COL9A1: variants seen among roughly 807,000 people sequenced by gnomAD.
COL9A1 encodes the protein collagen alpha-1(IX) chain.
COL9A1 carries 104 observed loss-of-function variants against 142.6 expected under a neutral mutation model. The ratio of observed to expected loss-of-function variants is 0.73; its 90% confidence interval spans 0.62 to 0.86. COL9A1 has a LOEUF of 0.86. Ranked by LOEUF, COL9A1 falls within the 40% of genes least tolerant of loss-of-function variation. COL9A1 has a pLI of 0.00. For synonymous variants in COL9A1, 466 were observed against 396.0 expected, an observed-to-expected ratio of 1.18 and a Z score of -2.10; for missense variants, 1,210 against 1,176.6, an observed-to-expected ratio of 1.03 and a Z score of -0.42.
chr6:70,294,737 C>T (rs1773790626), intron 4 of COL9A1, among the ~76,000 whole-genome samples, 174 bp from the exon 5 acceptor site: 1 of 152,126 alleles, frequency 6.6e-6, no homozygotes, highest in Non-Finnish European at 1.5e-5. Context: ...TACAGAAGTT[C>T]AATCATTCCT....
Position 70,294,385 on chromosome 6 carries a change from G to C in COL9A1, c.478C>G (p.Leu160Val). The C allele has an allele frequency of 6.2e-7, 1 of 1,614,058 alleles. No individual in the cohort carries two copies. Among genetic ancestry groups the C allele is most frequent in the Non-Finnish European group, 8.5e-7 (1 of 1,179,962 alleles). ...TQSVVFSYKGLDGSLQTAAFS... is the reference protein window; with the variant it reads ...TQSVVFSYKGVDGSLQTAAFS... The stretch of plus-strand genomic sequence containing the variant: ...GCTGCTGTTTGGAGACTTCCATCCA[G>C]TCCCTTGTATGAAAATACAACAGAT... The change falls in exon 5 of 38, where the codon CTG (leucine) becomes GTG (valine). Residue 160 changes from leucine (L) to valine (V), a missense_variant. Physicochemically the swap from Leu to Val is conservative, Grantham distance 32. Transcript: ENST00000357250.
intron 37 of COL9A1, among the ~76,000 whole-genome samples, chr6:70,218,826 G>C (rs1022699867): frequency 6.6e-6 from 1 of 152,012 alleles, no homozygotes; most frequent in Non-Finnish European, 1.5e-5. Flanking sequence ...CATACACTTC[G>C]ATCCACACAA....
intron 10 of COL9A1, among the ~76,000 whole-genome samples, chr6:70,278,529 G>A (rs2127595266): frequency 6.6e-6 from 1 of 152,260 alleles, no homozygotes; most frequent in East Asian, 1.9e-4. Context: ...TTTTCCCCAA[G>A]ATCTAGAAAA....
At position 70,283,741 on chromosome 6, in the gene COL9A1, A is replaced by G. The variant is rs1583332448; in HGVS notation, c.776T>C (p.Ile259Thr). ...RETCHELPAR[I>T]TPSQTTDERG... ...GCAGGTAGTCAGGGGACTCACCGTT[A>G]TTCTGGCTGGCAGCTCATGGCAAGT... Residue 259 changes from isoleucine (I) to threonine (T), a missense_variant, in exon 6 of 38, where the codon ATA (isoleucine) becomes ACA (threonine). By Grantham distance (89) the Ile-to-Thr change is moderately conservative. Coordinates refer to ENST00000357250, the MANE Select transcript of COL9A1 (RefSeq NM_001851.6). The G allele has an allele frequency of 1.9e-6, 3 of 1,610,836 alleles. No homozygotes were observed. Among genetic ancestry groups the G allele is most frequent in the Non-Finnish European group, 2.5e-6 (3 of 1,178,610 alleles).
intron 33 of COL9A1, among the ~76,000 whole-genome samples, chr6:70,238,633 TA>T (rs545608236): frequency 1.3e-5 from 2 of 152,310 alleles, no homozygotes; most frequent in South Asian, 4.1e-4. Flanking sequence ...GTCAGTTCTT[TA>T]AAAATGACCC....
chr6:70,289,443 G>A (rs746423980), intron 5 of COL9A1, among the ~76,000 whole-genome samples: 42 of 152,020 alleles, frequency 2.8e-4, no homozygotes, highest in Admixed American at 2.0e-4. Flanking sequence ...CTTCTGCTGT[G>A]TCACCAGCTC....
At chr6:70,262,625 G>A (rs12193867) in intron 19 of COL9A1, among the ~76,000 whole-genome samples, 20,832 of 151,930 alleles carry the variant, frequency 0.14, 1,642 homozygotes, top group Non-Finnish European at 0.18. Flanking sequence ...CATTTTAACA[G>A]GAAAAAAAGT....
chr6:70,255,986 T>C (rs559335596), intron 21 of COL9A1, among the ~76,000 whole-genome samples: 1 of 152,206 alleles, frequency 6.6e-6, no homozygotes, highest in Non-Finnish European at 1.5e-5. Flanking sequence ...TTCTCCATTA[T>C]GTATCTCTAC....
At chr6:70,244,793 G>T (rs1770488307) in intron 28 of COL9A1, among the ~76,000 whole-genome samples, 1 of 151,130 alleles carries the variant, frequency 6.6e-6, no homozygotes, top group Non-Finnish European at 1.5e-5. Flanking sequence ...GATTTTCTCT[G>T]CTGGACTCTT....
At position 70,254,687 on chromosome 6, in the gene COL9A1, G is replaced by A. The variant is rs1420840984; in HGVS notation, c.1666-158C>T. ...TGACTTAATTTAGGGTGGGGGAGTA[G>A]GGTGGGAAATAGGACATAATTCAAC... On this transcript the variant is annotated intron_variant, in intron 24 of 37. Coordinates refer to ENST00000357250, the MANE Select transcript of COL9A1 (RefSeq NM_001851.6). The A allele has an allele frequency of 4.2e-6, 3 of 708,470 alleles. No individual in the cohort carries two copies. In the Admixed American group the frequency reaches 6.9e-5, roughly 16 times the overall value. The allele number at this position is 708,470 out of a possible 1,614,324, so 43.9% of individuals were successfully genotyped here.
intron 2 of COL9A1, 135 bp downstream of exon 2, chr6:70,301,866 T>C (rs1774075267): frequency 1.4e-6 from 1 of 735,770 alleles, no homozygotes; most frequent in Admixed American, 2.2e-5. Flanking sequence ...TGTATCCCTG[T>C]GCCCCAAAGC....
Position 70,294,462 on chromosome 6 carries a change from T to G in COL9A1, c.401A>C (p.Gln134Pro). The G allele has an allele frequency of 6.2e-7, 1 of 1,614,168 alleles. No individual in the cohort carries two copies. Among genetic ancestry groups the G allele is most frequent in the Non-Finnish European group, 8.5e-7 (1 of 1,179,994 alleles). ...LKKNWNIWQI[Q>P]DSSGKEQVGI... ...AACTTGCTCCTTCCCAGAGGAATCC[T>G]GAATCTGCCAAATGTTCCAGTTCTT... The change falls in exon 5 of 38, where the codon CAG becomes CCG. Residue 134 changes from glutamine to proline, a missense_variant. Physicochemically the swap from Gln to Pro is moderately conservative, Grantham distance 76. Coordinates refer to ENST00000357250, the MANE Select transcript of COL9A1 (RefSeq NM_001851.6).
intron 37 of COL9A1, among the ~76,000 whole-genome samples, chr6:70,222,365 T>C (rs1275830453): frequency 1.3e-5 from 2 of 152,180 alleles, no homozygotes; most frequent in Admixed American, 1.3e-4. Flanking sequence ...AAAAGAATAG[T>C]GCATAAGCCC....
chr6:70,242,225 CCTTCA>C, intron 29 of COL9A1, 190 bp from the exon 30 acceptor site: 1 of 653,806 alleles, frequency 1.5e-6, no homozygotes, highest in Non-Finnish European at 2.8e-6. Context: ...GTTCTCCCAG[CCTTCA>C]CTCCACCCTA....
intron 4 of COL9A1, 65 bp downstream of exon 4, chr6:70,299,978 G>T (rs967791554): frequency 2.8e-6 from 4 of 1,453,882 alleles, no homozygotes; most frequent in Non-Finnish European, 3.9e-6. Flanking sequence ...TCTAACATTG[G>T]ATAGCTATCC....
At chr6:70,235,478 ATCTT>A (rs974191441) in intron 33 of COL9A1, among the ~76,000 whole-genome samples, 24 of 151,922 alleles carry the variant, frequency 1.6e-4, no homozygotes, top group African/African-American at 4.6e-4. Flanking sequence ...AATAATAATA[ATCTT>A]TCTTTCGGGG....
intron 33 of COL9A1, among the ~76,000 whole-genome samples, chr6:70,238,234 T>G (rs1770035639): frequency 6.6e-6 from 1 of 152,174 alleles, no homozygotes; most frequent in South Asian, 2.1e-4. Flanking sequence ...CAGGAAGGAC[T>G]TGGAAACTTA....
At chr6:70,278,510 A>G (rs1772912356) in intron 10 of COL9A1, among the ~76,000 whole-genome samples, 1 of 152,220 alleles carries the variant, frequency 6.6e-6, no homozygotes, top group Non-Finnish European at 1.5e-5. Context: ...TGCAAATAGT[A>G]TAGTTGATTT....
intron 14 of COL9A1, among the ~76,000 whole-genome samples, chr6:70,270,896 C>T (rs1035947117): frequency 1.3e-5 from 2 of 152,176 alleles, no homozygotes; most frequent in Non-Finnish European, 2.9e-5. Context: ...AAAGCTACAT[C>T]GAAGTAAACC....
Sources: allele counts gnomAD v4.1 joint callset (sites outside exome capture counted in the v4.1 genomes callset), GRCh38; gene constraint gnomAD v4.1.1; transcripts MANE v1.5; gene names NCBI Gene and HGNC (gene_info 2026-07-23, HGNC 2026-07-21).